The following CCDC50 variants were observed in gnomAD, a reference collection of about 807,000 sequenced individuals.
The protein encoded by CCDC50 is coiled-coil domain containing 50.
Under a neutral mutation model 70.2 loss-of-function variants are expected in CCDC50, and 54 were observed. That is an observed-to-expected ratio of 0.77 (90% CI 0.62 to 0.96). CCDC50 has a LOEUF of 0.96. CCDC50 is among the 50% of genes least tolerant of loss of function. CCDC50 has a pLI of 0.00. For synonymous variants in CCDC50, 216 were observed against 198.8 expected (o/e 1.09, Z -0.73); for missense variants, 558 against 578.7 (o/e 0.96, Z 0.37).
Position 191,375,554 on chromosome 3 carries a change from C to T in CCDC50, c.941C>T (p.Ser314Leu). 1 of 1,613,296 alleles carries T rather than the reference C, an allele frequency of 6.2e-7. No homozygotes were observed. Among genetic ancestry groups the T allele is most frequent in the South Asian group, 1.1e-5 (1 of 91,012 alleles). ...CACAGGCCCAGGACTCCTCCATTCT[C>T]AGAGAGTGAGGAGCAGCTCCACCTC... ...RRHRPRTPPFSESEEQLHLHD... is the reference protein window; with the variant it reads ...RRHRPRTPPFLESEEQLHLHD... The change falls in exon 6 of 12, where the codon TCA becomes TTA. Residue 314 changes from serine (S) to leucine (L), a missense_variant. Transcript: ENST00000392455.
chr3:191,361,936 C>T (rs1560163150), intron 4 of CCDC50, among the ~76,000 whole-genome samples: 1 of 152,102 alleles, frequency 6.6e-6, no homozygotes, highest in Non-Finnish European at 1.5e-5. Context: ...CGTTCTTTCT[C>T]TTTTTCTTAA....
intron 1 of CCDC50, among the ~76,000 whole-genome samples, chr3:191,337,594 C>T (rs923031238): frequency 6.6e-6 from 1 of 151,978 alleles, no homozygotes; most frequent in African/African-American, 2.4e-5. Flanking sequence ...CCGCCCATCT[C>T]GGCCTCCCAA....
chr3:191,379,332 G>C (rs1022556573), intron 6 of CCDC50, among the ~76,000 whole-genome samples: 1 of 152,034 alleles, frequency 6.6e-6, no homozygotes, highest in Non-Finnish European at 1.5e-5. Context: ...GAGACAATCA[G>C]GAGTACATTT....
rs1451734504 is a variant in CCDC50 at position 191,377,042 on chromosome 3, C to G, written c.976+1453C>G. Reference sequence around the variant, plus strand: ...AAACGCTGACTCACAGGCTCCACTACTGGAATTGCAAATGTTTTGTTTTTT... The same window carrying G: ...AAACGCTGACTCACAGGCTCCACTAGTGGAATTGCAAATGTTTTGTTTTTT... On this transcript the variant is annotated intron_variant, in intron 6 of 11. Transcript: ENST00000392455. Among the ~76,000 whole-genome samples the G allele has an allele frequency of 4.6e-5, 7 of 152,272 alleles. No individual in the cohort carries two copies. The South Asian group carries it at 1.4e-3, about 32-fold the overall frequency.
chr3:191,344,602 G>T (rs12636482), intron 1 of CCDC50, among the ~76,000 whole-genome samples: 2 of 151,888 alleles, frequency 1.3e-5, no homozygotes, highest in African/African-American at 2.4e-5. Flanking sequence ...TTTTGGAGAC[G>T]GAGTCTCGCT....
chr3:191,352,495 A>C (rs1455698098), intron 1 of CCDC50, among the ~76,000 whole-genome samples: 2 of 142,222 alleles, frequency 1.4e-5, no homozygotes, highest in Non-Finnish European at 3.2e-5. Flanking sequence ...GCTTTGGACA[A>C]ACTATGTGTT....
chr3:191,350,234 C>G lies in CCDC50; in HGVS notation c.50-6854C>G. 1.4e-5 allele frequency among the ~76,000 whole-genome samples: 2 copies of G among 141,346 alleles called. 1 individual carries two copies. The highest frequency in any genetic ancestry group is 3.2e-5 in the Non-Finnish European group (2 of 62,644). The allele number at this position is 141,346 out of a possible 152,430, so 92.7% of individuals were successfully genotyped here. A position where few individuals can be genotyped will look rare whatever the true frequency, so the allele number is the denominator to read the frequency against. On this transcript the variant is annotated intron_variant, in intron 1 of 11. Coordinates refer to ENST00000392455, the MANE Select transcript of CCDC50 (RefSeq NM_178335.3). Reference sequence around the variant, plus strand: ...TTCAGTTGTGGCTGTCTGTTATTACCAAACTTTCACAAGACAAAATGTATC... The same window carrying G: ...TTCAGTTGTGGCTGTCTGTTATTACGAAACTTTCACAAGACAAAATGTATC...
At chr3:191,355,144 A>C (rs1026435033) in intron 1 of CCDC50, among the ~76,000 whole-genome samples, 3 of 152,188 alleles carry the variant, frequency 2.0e-5, no homozygotes, top group Non-Finnish European at 4.4e-5. Flanking sequence ...GCCACCCATA[A>C]TTTGAAAATC....
rs1290214451 is a variant in CCDC50, at chr3:191,356,676, TTTAACACCTC to T, written c.50-410_50-401del. 2.6e-5 allele frequency among the ~76,000 whole-genome samples: 4 copies of T among 152,218 alleles called. No individual in the cohort carries two copies. The East Asian group carries it at 7.7e-4, about 29-fold the overall frequency. ...ACAGGGAAGCATAGATTAGATTTCTTTTAACACCTCTAATTATGCAGTAACTCAGTTCTCT... is the reference window on the plus strand; with the variant it reads ...ACAGGGAAGCATAGATTAGATTTCTTTAATTATGCAGTAACTCAGTTCTCT... On this transcript the variant is annotated intron_variant, in intron 1 of 11. Coordinates refer to ENST00000392455, the MANE Select transcript of CCDC50 (RefSeq NM_178335.3).
intron 3 of CCDC50, among the ~76,000 whole-genome samples, chr3:191,359,128 A>G (rs774406912): frequency 6.6e-6 from 1 of 152,214 alleles, no homozygotes; most frequent in Non-Finnish European, 1.5e-5. Flanking sequence ...ATCTAGAGAT[A>G]CGTGCATGAG....
At chr3:191,387,371 C>A (rs1044965180) in intron 10 of CCDC50, among the ~76,000 whole-genome samples, 1 of 152,100 alleles carries the variant, frequency 6.6e-6, no homozygotes, top group African/African-American at 2.4e-5. Flanking sequence ...AGGAAACAGG[C>A]AGTCTTAATA....
chr3:191,360,912 T>G lies in CCDC50; in HGVS notation c.240-157T>G, dbSNP rs138870094. Among the ~76,000 whole-genome samples, 98 of 152,340 alleles carry G rather than the reference T, an allele frequency of 6.4e-4. 1 individual carries two copies. The highest frequency in any genetic ancestry group is 2.3e-3 in the African/African-American group (96 of 41,574). On this transcript the variant is annotated intron_variant, in intron 3 of 11. Coordinates refer to ENST00000392455, the MANE Select transcript of CCDC50 (RefSeq NM_178335.3). ...ACCTTAGTTTTCTCATCTGTAAATG[T>G]GACCGTGTCAGCCTCTTTGCATCTT... is the stretch of plus-strand genomic sequence containing the variant.
In CCDC50 at chr3:191,375,166, G is replaced by A. The variant is rs766000838; in HGVS notation, c.553G>A (p.Glu185Lys). The change falls in exon 6 of 12, where the codon GAA (glutamate) becomes AAA (lysine). Residue 185 changes from glutamate (E) to lysine (K), a missense_variant. Physicochemically the swap from Glu to Lys is moderately conservative, Grantham distance 56. Transcript: ENST00000392455. ...KTVKHKKEKPEHPLENLEEPE... is the reference protein window; with the variant it reads ...KTVKHKKEKPKHPLENLEEPE... Reference sequence around the variant, plus strand: ...TGTGAAGCACAAGAAAGAGAAACCAGAACATCCACTGGAGAACTTGGAAGA... The same window carrying A: ...TGTGAAGCACAAGAAAGAGAAACCAAAACATCCACTGGAGAACTTGGAAGA... The A allele has an allele frequency of 8.1e-6, 13 of 1,613,652 alleles. No homozygotes were observed. In the African/African-American group the frequency reaches 1.5e-4, roughly 18 times the overall value.
At chr3:191,362,888 C>T (rs1219622305) in intron 4 of CCDC50, among the ~76,000 whole-genome samples, 2 of 152,154 alleles carry the variant, frequency 1.3e-5, no homozygotes, top group Non-Finnish European at 2.9e-5. Context: ...TTTGATACTT[C>T]CTGTAATACA....
At position 191,388,918 on chromosome 3, in the gene CCDC50, A is replaced by G. The variant is rs535011051; in HGVS notation, c.1323-578A>G. 4.5e-3 allele frequency among the ~76,000 whole-genome samples: 487 copies of G among 108,990 alleles called. 3 individuals are homozygous for G. The highest frequency in any genetic ancestry group is 0.015 in the African/African-American group (456 of 29,608). The allele number at this position is 108,990 out of a possible 152,430, so 71.5% of individuals were successfully genotyped here. Reference sequence around the variant, plus strand: ...TAAAAAGTTTAGAGTAGTAAAAATTATATCTTTTTTTTTTTTTTTACATTT... The same window carrying G: ...TAAAAAGTTTAGAGTAGTAAAAATTGTATCTTTTTTTTTTTTTTTACATTT... On this transcript the variant is annotated intron_variant, in intron 10 of 11. Transcript: ENST00000392455.
intron 3 of CCDC50, among the ~76,000 whole-genome samples, chr3:191,360,810 G>A (rs546782113): frequency 1.3e-5 from 2 of 152,296 alleles, no homozygotes; most frequent in Admixed American, 6.5e-5. Flanking sequence ...GTTTTCCATT[G>A]TTGGGTGTGA....
At chr3:191,364,000 A>C (rs1431867910) in intron 4 of CCDC50, among the ~76,000 whole-genome samples, 1 of 152,074 alleles carries the variant, frequency 6.6e-6, no homozygotes, top group Non-Finnish European at 1.5e-5. Flanking sequence ...ACTAATACTG[A>C]GACAGTAGTG....
intron 1 of CCDC50, among the ~76,000 whole-genome samples, chr3:191,345,705 G>A (rs973575377): frequency 4.6e-5 from 7 of 152,036 alleles, no homozygotes; most frequent in African/African-American, 1.2e-4. Flanking sequence ...TTAGGTTACC[G>A]GGGTTTTCAT....
rs1198232712 is a variant in CCDC50 at position 191,329,734 on chromosome 3, C to T, written c.49+11C>T. On this transcript the variant is annotated intron_variant, in intron 1 of 11. Transcript: ENST00000392455. ...CTGGAGTCAAGGAAGGTAAGGGCCC[C>T]GGAGGGAGAGCGCGCGGGACCCTCC... 4.4e-6 allele frequency: 7 copies of T among 1,607,996 alleles called. No individual in the cohort carries two copies. In the African/African-American group the frequency reaches 5.3e-5, roughly 12 times the overall value.
Sources: gnomAD v4.1 joint callset for allele counts (sites outside exome capture counted in the v4.1 genomes callset) on GRCh38, gnomAD v4.1.1 for gene constraint, MANE v1.5 for transcripts, NCBI Gene and HGNC (gene_info 2026-07-23, HGNC 2026-07-21) for gene names.